The following KIF14 variants were observed in gnomAD, a reference collection of about 807,000 sequenced individuals.
KIF14 encodes kinesin family member 14.
KIF14 carries 98 observed loss-of-function variants against 176.2 expected under a neutral mutation model. That is an observed-to-expected ratio of 0.56 (90% CI 0.47 to 0.66). KIF14 has a LOEUF of 0.66. Among genes scored for constraint, KIF14 ranks in the 30% least tolerant of loss-of-function variants. KIF14 has a pLI of 0.00. For missense variants in KIF14, 1,751 were observed against 1,920.4 expected (o/e 0.91, Z 1.65); for synonymous variants, 566 against 632.2 (o/e 0.90, Z 1.57).
At chr1:200,571,324 A>AG (rs1657778826) in intron 22 of KIF14, among the ~76,000 whole-genome samples, 1 of 151,178 alleles carries the variant, frequency 6.6e-6, no homozygotes, top group Non-Finnish European at 1.5e-5. Context: ...CAAAAAGAAA[A>AG]AAAAAAAAAA....
rs201090107 is a variant in KIF14, at chr1:200,588,248, GTTTT to G, written c.3114+965_3114+968del. 9.5e-3 allele frequency among the ~76,000 whole-genome samples: 1,326 copies of G among 139,560 alleles called. 20 individuals carry two copies. The highest frequency in any genetic ancestry group is 0.033 in the African/African-American group (1,210 of 36,794). 91.6% of individuals were successfully genotyped at this position (139,560 alleles called of 152,430 possible). On this transcript the variant is annotated intron_variant, in intron 18 of 29. Transcript: ENST00000367350. ...TGCTTTTTGTTTGTTTGTTTGTTTT[GTTTT>G]TTTTTTTTTGACAGAGTCTTGCTCT...
intron 8 of KIF14, among the ~76,000 whole-genome samples, chr1:200,604,264 C>T (rs1021260764): frequency 6.6e-6 from 1 of 151,988 alleles, no homozygotes; most frequent in Non-Finnish European, 1.5e-5. Context: ...GACAAGGTCT[C>T]GCTATGTTGC....
intron 19 of KIF14, among the ~76,000 whole-genome samples, chr1:200,583,857 G>A (rs111901630): frequency 2.6e-5 from 4 of 151,588 alleles, no homozygotes; most frequent in South Asian, 2.1e-4. Context: ...CAGGAGAATC[G>A]CTTGAGCCTG....
intron 17 of KIF14, 49 bp from the exon 18 acceptor site, chr1:200,589,418 A>G: frequency 6.9e-7 from 1 of 1,459,438 alleles, no homozygotes; most frequent in Non-Finnish European, 9.3e-7. Context: ...CCGTAGCAAA[A>G]AAGTACAAAA....
intron 25 of KIF14, among the ~76,000 whole-genome samples, chr1:200,561,081 A>G (rs187493240): frequency 6.6e-6 from 1 of 152,034 alleles, no homozygotes; most frequent in African/African-American, 2.4e-5. Context: ...AAATACAAAA[A>G]TTAGTCAGGC....
rs191356588 is a variant in KIF14 at position 200,588,332 on chromosome 1, T to C, written c.3114+885A>G. On this transcript the variant is annotated intron_variant, in intron 18 of 29. Transcript: ENST00000367350. ...CTCAGCTCACTGCAACCTCTGACTCTCGGGTTCAAGAGATTCTCCTACCTC... is the reference window on the plus strand; with the variant it reads ...CTCAGCTCACTGCAACCTCTGACTCCCGGGTTCAAGAGATTCTCCTACCTC... 4.5e-4 allele frequency among the ~76,000 whole-genome samples: 68 copies of C among 151,720 alleles called. No individual in the cohort carries two copies. In the East Asian group the frequency reaches 0.013, roughly 28 times the overall value.
At chr1:200,556,059 T>A (rs1221604792) in intron 27 of KIF14, among the ~76,000 whole-genome samples, 1 of 152,250 alleles carries the variant, frequency 6.6e-6, no homozygotes, top group East Asian at 1.9e-4. Flanking sequence ...TCCATTATAG[T>A]CCTATGCTGC....
At position 200,589,229 on chromosome 1, in the gene KIF14, CAAT is replaced by C. The variant is rs1175858653; in HGVS notation, c.3099_3101del (p.Leu1034del). On this transcript the variant is annotated inframe_deletion, in exon 18 of 30. Coordinates refer to ENST00000367350, the MANE Select transcript of KIF14 (RefSeq NM_014875.3). The stretch of plus-strand genomic sequence containing the variant: ...ACAATAAAATTACCTGTTTTGTAGC[CAAT>C]GTTTCCATTTCTAATCGCTTTTTGT... The C allele has an allele frequency of 8.7e-6, 14 of 1,604,036 alleles. 1 individual carries two copies. In the South Asian group the frequency reaches 1.6e-4, roughly 18 times the overall value.
intron 25 of KIF14, 41 bp from the exon 26 acceptor site, chr1:200,560,921 T>A: frequency 1.3e-6 from 2 of 1,565,360 alleles, no homozygotes; most frequent in Non-Finnish European, 1.8e-6. Flanking sequence ...ATACATGAGA[T>A]TATAACAGGT....
Position 200,606,709 on chromosome 1 carries a change from T to G in KIF14, c.1607+37A>C, listed in dbSNP as rs535549059. 106 of 1,558,270 alleles carry G rather than the reference T, an allele frequency of 6.8e-5. No individual in the cohort carries two copies. In the South Asian group the frequency reaches 1.1e-3, roughly 17 times the overall value. Reference sequence around the variant, plus strand: ...GAGTAACATTCACTCTATTCATTTGTTTTATCCTCTTTGCCCTTGCTGAGC... The same window carrying G: ...GAGTAACATTCACTCTATTCATTTGGTTTATCCTCTTTGCCCTTGCTGAGC... On this transcript the variant is annotated intron_variant, in intron 6 of 29. Transcript: ENST00000367350.
In KIF14 at chr1:200,598,359, A is replaced by T; in HGVS notation, c.2427T>A (p.Asp809Glu). ...HLPNLVNLNE[D>E]PQLSEMLLYM... ...ATAGCAGCATCTCAGATAGTTGTGG[A>T]TCTTCATTCAGATTAACAAGGTTTG... The change falls in exon 14 of 30, where the codon GAT (aspartate) becomes GAA (glutamate). Residue 809 changes from aspartate to glutamate, a missense_variant. Physicochemically the swap from Asp to Glu is conservative, Grantham distance 45. Transcript: ENST00000367350. The T allele has an allele frequency of 6.2e-7, 1 of 1,612,896 alleles. No homozygotes were observed. The highest frequency in any genetic ancestry group is 8.5e-7 in the Non-Finnish European group (1 of 1,179,552).
intron 10 of KIF14, 85 bp from the exon 11 acceptor site, chr1:200,602,153 G>T: frequency 4.7e-6 from 5 of 1,054,476 alleles, no homozygotes; most frequent in Non-Finnish European, 6.9e-6. Flanking sequence ...AAACTAATAG[G>T]GTATATAATA....
intron 18 of KIF14, among the ~76,000 whole-genome samples, chr1:200,586,562 ATAT>A (rs1658748944): frequency 6.6e-6 from 1 of 151,558 alleles, no homozygotes; most frequent in South Asian, 2.1e-4. Flanking sequence ...CCCCACAACA[ATAT>A]TATTAGGAAT....
intron 21 of KIF14, among the ~76,000 whole-genome samples, chr1:200,577,355 A>G (rs922945842): frequency 1.3e-5 from 2 of 150,294 alleles, no homozygotes; most frequent in African/African-American, 2.4e-5. Flanking sequence ...ACAAACAAAA[A>G]TCATGTTACC....
chr1:200,573,494 C>T (rs543394601), intron 22 of KIF14, among the ~76,000 whole-genome samples: 8 of 128,494 alleles, frequency 6.2e-5, no homozygotes, highest in East Asian at 4.4e-4. Context: ...ATTGCAGTGG[C>T]GCAATCTCGG....
intron 19 of KIF14, among the ~76,000 whole-genome samples, chr1:200,583,903 C>G (rs907019270): frequency 2.6e-5 from 4 of 151,050 alleles, no homozygotes; most frequent in African/African-American, 9.8e-5. Context: ...GATCACACCA[C>G]TGCATTCCAG....
intron 21 of KIF14, among the ~76,000 whole-genome samples, 169 bp downstream of exon 21, chr1:200,580,085 T>C (rs540725877): frequency 3.9e-5 from 6 of 152,226 alleles, no homozygotes; most frequent in African/African-American, 1.2e-4. Flanking sequence ...ATATAATTGT[T>C]AATACTGGTT....
chr1:200,555,925 AT>A (rs1656808722), intron 27 of KIF14, among the ~76,000 whole-genome samples: 1 of 152,232 alleles, frequency 6.6e-6, no homozygotes, highest in Non-Finnish European at 1.5e-5. Context: ...GTTATAACAA[AT>A]TTTGTGTTAT....
In KIF14 at chr1:200,600,250, T is replaced by C. The variant is rs756681455; in HGVS notation, c.2300+106A>G. ...GATAATCTGGGAGTGGGCTGCTCTA[T>C]TCATAAGGAAGGTCGGAAAAATACT... On this transcript the variant is annotated intron_variant, in intron 12 of 29. Coordinates refer to ENST00000367350, the MANE Select transcript of KIF14 (RefSeq NM_014875.3). The C allele has an allele frequency of 1.5e-4, 197 of 1,307,974 alleles. No homozygotes were observed. In the Middle Eastern group the frequency reaches 1.9e-3, roughly 12 times the overall value. 81.0% of individuals were successfully genotyped at this position (1,307,974 alleles called of 1,614,324 possible).
Sources: gnomAD v4.1 joint callset for allele counts (sites outside exome capture counted in the v4.1 genomes callset) on GRCh38, gnomAD v4.1.1 for gene constraint, MANE v1.5 for transcripts, NCBI Gene and HGNC (gene_info 2026-07-23, HGNC 2026-07-21) for gene names.